Variants in MYL4 observed in about 807,000 individuals in gnomAD.
MYL4 encodes atrial myosin light chain 1.
In MYL4, 16 loss-of-function variants were observed where a neutral mutation model predicts 21.6. The observed-to-expected ratio is 0.74, with a 90% CI of 0.50 to 1.12. MYL4 has a LOEUF of 1.12. MYL4 is among the 50% of genes most tolerant of loss of function. The probability of loss-of-function intolerance (pLI) is 0.00; values close to 1 mark genes in which losing one functional copy is unlikely to be tolerated. For missense variants in MYL4, 249 were observed against 252.9 expected (o/e 0.98, Z 0.11); for synonymous variants, 82 against 95.7 (o/e 0.86, Z 0.83).
rs2064844056 is a variant in MYL4 at position 47,220,032 on chromosome 17, C to G, written c.292C>G (p.Leu98Val). ...TACCAATGCCGAGGTGCTGCGTGTG[C>G]TGGGCAAGCCCAAGCCTGAAGGTCA... ...NPTNAEVLRV[L>V]GKPKPEEMNV... Residue 98 changes from leucine to valine, a missense_variant, in exon 3 of 7, where the codon CTG (leucine) becomes GTG (valine). By Grantham distance (32) the Leu-to-Val change is conservative. Coordinates refer to ENST00000393450, the MANE Select transcript of MYL4 (RefSeq NM_002476.2). The G allele has an allele frequency of 6.2e-7, 1 of 1,613,542 alleles. No individual in the cohort carries two copies. Among genetic ancestry groups the G allele is most frequent in the Non-Finnish European group, 8.5e-7 (1 of 1,179,750 alleles).
rs775042268 is a variant in MYL4, at chr17:47,221,681, G to A, written c.314-1G>A. On this transcript the variant is annotated splice_acceptor_variant, in intron 3 of 6. Coordinates refer to ENST00000393450, the MANE Select transcript of MYL4 (RefSeq NM_002476.2). LOFTEE classifies it high-confidence loss of function. ...TCTTTCTTTACCCTGCCTGCCTGAA[G>A]AGATGAATGTCAAGATGCTGGACTT... 3 of 1,612,096 alleles carry A rather than the reference G, an allele frequency of 1.9e-6. No homozygotes were observed. Among genetic ancestry groups the A allele is most frequent in the Non-Finnish European group, 1.7e-6 (2 of 1,178,610 alleles).
intron 1 of MYL4, among the ~76,000 whole-genome samples, chr17:47,201,087 G>A (rs565985004): frequency 1.1e-4 from 16 of 152,262 alleles, no homozygotes; most frequent in South Asian, 2.1e-4. Flanking sequence ...CAGAAGAATC[G>A]CTTGAACTAG....
downstream of MYL4, among the ~76,000 whole-genome samples, chr17:47,224,594 C>T (rs1482610906): frequency 6.6e-6 from 1 of 152,208 alleles, no homozygotes; most frequent in African/African-American, 2.4e-5. Flanking sequence ...TGAATTTGAC[C>T]ACCCTGGATA....
At position 47,222,368 on chromosome 17, in the gene MYL4, A is replaced by T. The variant is rs201224815; in HGVS notation, c.488-12A>T. The T allele has an allele frequency of 1.2e-6, 2 of 1,614,002 alleles. No homozygotes were observed. Among genetic ancestry groups the T allele is most frequent in the South Asian group, 2.2e-5 (2 of 91,068 alleles). On this transcript the variant is annotated splice_polypyrimidine_tract_variant and intron_variant, in intron 4 of 6. Coordinates refer to ENST00000393450, the MANE Select transcript of MYL4 (RefSeq NM_002476.2). ...GTAATTAAGAGCGCACCACCTCCCA[A>T]ACCCACCGCAGGAGAGAAGATGACT...
chr17:47,225,678 A>G (rs1312177346), downstream of MYL4, among the ~76,000 whole-genome samples: 3 of 152,092 alleles, frequency 2.0e-5, no homozygotes, highest in African/African-American at 7.2e-5. Context: ...ACCATTTTCA[A>G]CCTGCCTTTG....
intron 2 of MYL4, 198 bp downstream of exon 2, chr17:47,214,024 A>C (rs2064796278): frequency 1.7e-6 from 1 of 583,452 alleles, no homozygotes; most frequent in Non-Finnish European, 3.1e-6. Context: ...TTTAATTCTC[A>C]TAACAACACC....
At chr17:47,217,604 A>G (rs757295993) in intron 2 of MYL4, among the ~76,000 whole-genome samples, 45 of 152,386 alleles carry the variant, frequency 3.0e-4, no homozygotes, top group Admixed American at 5.2e-4. Context: ...ATTAAACTCA[A>G]TAAGATAATA....
At chr17:47,226,084 AG>A (rs1157298080), downstream of MYL4, among the ~76,000 whole-genome samples, 1 of 152,062 alleles carries the variant, frequency 6.6e-6, no homozygotes, top group Non-Finnish European at 1.5e-5. Context: ...TTCACTTGTG[AG>A]GAACTGGAGT....
chr17:47,197,092 G>GTTTTTTTT (rs71365051), upstream of MYL4, among the ~76,000 whole-genome samples: 1 of 113,354 alleles, frequency 8.8e-6, no homozygotes, highest in Non-Finnish European at 1.7e-5. Context: ...TCCTTAAAGG[G>GTTTTTTTT]TTTTTTTTTT....
upstream of MYL4, among the ~76,000 whole-genome samples, chr17:47,204,498 A>G (rs2064720131): frequency 6.6e-6 from 1 of 152,152 alleles, no homozygotes; most frequent in African/African-American, 2.4e-5. Context: ...CACCTGTATT[A>G]ACTCATTTAA....
At chr17:47,196,557 G>A (rs1034780158), upstream of MYL4, among the ~76,000 whole-genome samples, 1 of 152,182 alleles carries the variant, frequency 6.6e-6, no homozygotes, top group Non-Finnish European at 1.5e-5. Flanking sequence ...AGTGATTAAA[G>A]TGGAAGTCTT....
At chr17:47,223,147 C>A in intron 6 of MYL4, 90 bp downstream of exon 6, 1 of 1,372,346 alleles carries the variant, frequency 7.3e-7, no homozygotes, top group Non-Finnish European at 1.0e-6. Context: ...TCTGTCCCAG[C>A]CCTGACCCCT....
At chr17:47,191,137 A>G in the MYL4 span, among the ~76,000 whole-genome samples, 1 of 152,272 alleles carries the variant, frequency 6.6e-6, no homozygotes, top group South Asian at 2.1e-4. Context: ...TGTGAGCATC[A>G]CTTCTTGTTG....
At chr17:47,225,292 G>A (rs1366808885), downstream of MYL4, among the ~76,000 whole-genome samples, 10 of 152,226 alleles carry the variant, frequency 6.6e-5, no homozygotes, top group Admixed American at 6.5e-4. Context: ...TTGAGGAAGG[G>A]TTTCAGCTTT....
At chr17:47,206,741 T>C (rs2064729699), upstream of MYL4, among the ~76,000 whole-genome samples, 1 of 152,154 alleles carries the variant, frequency 6.6e-6, no homozygotes. Flanking sequence ...TTTTTCCTTT[T>C]AAAATAAGCA....
chr17:47,216,097 CTT>C (rs112133657), intron 2 of MYL4, among the ~76,000 whole-genome samples: 11 of 144,842 alleles, frequency 7.6e-5, no homozygotes, highest in African/African-American at 2.5e-4. Flanking sequence ...TTCTTTTGTG[CTT>C]TTTTTTTTTT....
At chr17:47,212,170 C>G (rs773181751) in intron 1 of MYL4, among the ~76,000 whole-genome samples, 1 of 152,058 alleles carries the variant, frequency 6.6e-6, no homozygotes, top group African/African-American at 2.4e-5. Context: ...GAGCCAAGAT[C>G]ACACCATTGC....
downstream of MYL4, among the ~76,000 whole-genome samples, chr17:47,225,299 C>T (rs184743246): frequency 5.6e-4 from 86 of 152,310 alleles, no homozygotes; most frequent in African/African-American, 2.0e-3. Context: ...AGGGTTTCAG[C>T]TTTGTGAGTG....
rs546441076 is a variant in MYL4 at position 47,221,530 on chromosome 17, C to G, written c.314-152C>G. Reference sequence around the variant, plus strand: ...TTGCTTGGATGGGAAGCTCTGTGTCCTCTAGGAGCACTAATGGGTGTACCA... The same window carrying G: ...TTGCTTGGATGGGAAGCTCTGTGTCGTCTAGGAGCACTAATGGGTGTACCA... On this transcript the variant is annotated intron_variant, in intron 3 of 6. Transcript: ENST00000393450. 23 of 784,864 alleles carry G rather than the reference C, an allele frequency of 2.9e-5. No homozygotes were observed. In the South Asian group the frequency reaches 3.6e-4, roughly 12 times the overall value. The allele number at this position is 784,864 out of a possible 1,614,324, so 48.6% of individuals were successfully genotyped here.
Sources: gnomAD v4.1 joint callset for allele counts (sites outside exome capture counted in the v4.1 genomes callset) on GRCh38, gnomAD v4.1.1 for gene constraint, MANE v1.5 for transcripts, NCBI Gene and HGNC (gene_info 2026-07-23, HGNC 2026-07-21) for gene names.